CDH13: variants seen among roughly 807,000 people sequenced by gnomAD.
CDH13 encodes cadherin 13.
Under a neutral mutation model 63.8 loss-of-function variants are expected in CDH13, and 24 were observed. The ratio of observed to expected loss-of-function variants is 0.38; its 90% CI spans 0.27 to 0.53. The LOEUF (loss-of-function observed/expected upper bound fraction) is 0.53. CDH13 is among the 20% of genes least tolerant of loss of function. The pLI is 0.85. For missense variants in CDH13, 1,049 were observed against 903.1 expected, an observed-to-expected ratio of 1.16 and a Z score of -2.07; for synonymous variants, 503 against 355.3, an observed-to-expected ratio of 1.42 and a Z score of -4.67.
intron 6 of CDH13, among the ~76,000 whole-genome samples, chr16:83,450,192 G>A (rs967505997): frequency 3.3e-5 from 5 of 152,204 alleles, no homozygotes; most frequent in African/African-American, 1.2e-4. Context: ...GCTCCTGCAG[G>A]GAGGTTGCAT....
At position 83,274,726 on chromosome 16, in the gene CDH13, A is replaced by ACCC. The variant is rs1555523615; in HGVS notation, c.636+57229_636+57230insCCC. On this transcript the variant is annotated intron_variant, in intron 5 of 13. Transcript: ENST00000567109. ...CAATGGTTCTCAAACACCTGGTGGC[A>ACCC]GGGGGGGTGTTTATTAAATATGCAC... Among the ~76,000 whole-genome samples the ACCC allele has an allele frequency of 9.1e-3, 1,391 of 152,072 alleles. 17 individuals are homozygous for ACCC. Among genetic ancestry groups the ACCC allele is most frequent in the African/African-American group, 0.031 (1,299 of 41,500 alleles).
At chr16:83,599,741 A>G (rs1907603387) in intron 7 of CDH13, among the ~76,000 whole-genome samples, 1 of 152,196 alleles carries the variant, frequency 6.6e-6, no homozygotes, top group Admixed American at 6.5e-5. Flanking sequence ...ATAATATGAT[A>G]TTTACCATAA....
intron 3 of CDH13, among the ~76,000 whole-genome samples, chr16:83,033,961 C>T (rs910792523): frequency 5.9e-5 from 9 of 152,088 alleles, no homozygotes; most frequent in Non-Finnish European, 1.2e-4. Context: ...CACATCCCTG[C>T]TTGATCTACT....
chr16:83,336,893 C>T (rs1033126218), intron 5 of CDH13, among the ~76,000 whole-genome samples: 2 of 152,154 alleles, frequency 1.3e-5, no homozygotes, highest in African/African-American at 4.8e-5. Context: ...TTTTGGCCTT[C>T]ACCCAAGAAA....
chr16:83,669,675 G>T (rs1914331230), intron 8 of CDH13, among the ~76,000 whole-genome samples: 1 of 152,170 alleles, frequency 6.6e-6, no homozygotes, highest in African/African-American at 2.4e-5. Flanking sequence ...CAGGATTAAG[G>T]TTTATGATTA....
chr16:82,677,995 G>A (rs1424017720), intron 1 of CDH13, among the ~76,000 whole-genome samples: 1 of 152,158 alleles, frequency 6.6e-6, no homozygotes, highest in Non-Finnish European at 1.5e-5. Context: ...TGCAAATCTA[G>A]CATAATTTTA....
chr16:83,225,576 AG>A lies in CDH13; in HGVS notation c.636+8080del, dbSNP rs569819049. Among the ~76,000 whole-genome samples, 324 of 152,340 alleles carry A rather than the reference AG, an allele frequency of 2.1e-3. 2 individuals carry two copies. The highest frequency in any genetic ancestry group is 7.3e-3 in the African/African-American group (303 of 41,594). On this transcript the variant is annotated intron_variant, in intron 5 of 13. Coordinates refer to ENST00000567109, the MANE Select transcript of CDH13 (RefSeq NM_001257.5). The stretch of plus-strand genomic sequence containing the variant: ...GATGTAATTCCTGATAGGGGAAATT[AG>A]CCTTGGGGTCGGCAGAACCAGCTTT...
chr16:82,989,706 G>A (rs1257791789), intron 2 of CDH13, among the ~76,000 whole-genome samples: 1 of 152,206 alleles, frequency 6.6e-6, no homozygotes, highest in African/African-American at 2.4e-5. Flanking sequence ...GCCTGCTTCT[G>A]TTCTCAATGC....
chr16:83,547,504 C>A (rs187422377), intron 7 of CDH13, among the ~76,000 whole-genome samples: 1 of 152,224 alleles, frequency 6.6e-6, no homozygotes, highest in Non-Finnish European at 1.5e-5. Flanking sequence ...TTTGTGTGTC[C>A]ATGCTTTCTC....
intron 2 of CDH13, among the ~76,000 whole-genome samples, chr16:82,910,907 G>C (rs2041809532): frequency 6.6e-6 from 1 of 152,186 alleles, no homozygotes; most frequent in Non-Finnish European, 1.5e-5. Context: ...AATCAACTCT[G>C]ACTGTGTGGC....
intron 5 of CDH13, among the ~76,000 whole-genome samples, chr16:83,269,237 A>T (rs1453894642): frequency 6.6e-6 from 1 of 152,190 alleles, no homozygotes; most frequent in Non-Finnish European, 1.5e-5. Context: ...TCACCAGATG[A>T]CTGTTGTATC....
At chr16:83,714,089 A>G (rs1399074364) in intron 10 of CDH13, among the ~76,000 whole-genome samples, 1 of 152,090 alleles carries the variant, frequency 6.6e-6, no homozygotes, top group Non-Finnish European at 1.5e-5. Flanking sequence ...CAGTGAGTGG[A>G]GGGGGGGCTG....
intron 6 of CDH13, among the ~76,000 whole-genome samples, chr16:83,359,711 A>G (rs953777598): frequency 1.3e-5 from 2 of 152,210 alleles, no homozygotes; most frequent in Admixed American, 6.5e-5. Flanking sequence ...TCCAAATTTT[A>G]AATATTTGTC....
At chr16:82,936,872 T>G (rs1047123483) in intron 2 of CDH13, among the ~76,000 whole-genome samples, 1 of 152,030 alleles carries the variant, frequency 6.6e-6, no homozygotes, top group African/African-American at 2.4e-5. Context: ...TTGTAGATCT[T>G]CATGGACTCC....
rs573737168 is a variant in CDH13, at chr16:83,076,594, G to A, written c.366+44376G>A. On this transcript the variant is annotated intron_variant, in intron 3 of 13. Coordinates refer to ENST00000567109, the MANE Select transcript of CDH13 (RefSeq NM_001257.5). ...AACCTCGATTCTACAGTTTACATTT[G>A]ACATTTCCATATACTTGCTTTATAT... 1.9e-4 allele frequency among the ~76,000 whole-genome samples: 29 copies of A among 152,028 alleles called. No individual in the cohort carries two copies. In the East Asian group the frequency reaches 5.4e-3, roughly 28 times the overall value.
At chr16:83,548,751 T>G (rs1488288359) in intron 7 of CDH13, among the ~76,000 whole-genome samples, 1 of 152,102 alleles carries the variant, frequency 6.6e-6, no homozygotes, top group African/African-American at 2.4e-5. Context: ...TTAATGAAGT[T>G]TCCAGCCACC....
At chr16:83,448,274 T>G (rs1014067157) in intron 6 of CDH13, among the ~76,000 whole-genome samples, 15 of 152,006 alleles carry the variant, frequency 9.9e-5, no homozygotes, top group African/African-American at 3.4e-4. Flanking sequence ...CATTTGCAGA[T>G]AAAAGGGAAT....
At chr16:83,725,664 G>C (rs897512470) in intron 10 of CDH13, 4 of 152,214 alleles carry the variant, frequency 2.6e-5, no homozygotes, top group Admixed American at 2.6e-4. Context: ...CAAAGTGATG[G>C]GCCAAGCAGG....
At position 83,156,375 on chromosome 16, in the gene CDH13, AT is replaced by A. The variant is rs200420592; in HGVS notation, c.483+30878del. Among the ~76,000 whole-genome samples the A allele has an allele frequency of 7.8e-3, 1,180 of 152,174 alleles. 17 individuals are homozygous for A. The highest frequency in any genetic ancestry group is 0.027 in the African/African-American group (1,124 of 41,500). On this transcript the variant is annotated intron_variant, in intron 4 of 13. Coordinates refer to ENST00000567109, the MANE Select transcript of CDH13 (RefSeq NM_001257.5). ...CATCTCTAACCAGTATAAGCAAAGC[AT>A]TTTCCTTTCAAGAGTCTAATCCTAG... is the stretch of plus-strand genomic sequence containing the variant.
Sources: gnomAD v4.1 joint callset for allele counts (sites outside exome capture counted in the v4.1 genomes callset) on GRCh38, gnomAD v4.1.1 for gene constraint, MANE v1.5 for transcripts, NCBI Gene and HGNC (gene_info 2026-07-23, HGNC 2026-07-21) for gene names.